STARD9: variants seen among roughly 807,000 people sequenced by gnomAD.
The protein encoded by STARD9 is stAR-related lipid transfer protein 9.
A neutral mutation model predicts 399.8 loss-of-function variants in STARD9; 346 were observed. The ratio of observed to expected loss-of-function variants is 0.87; its 90% CI spans 0.79 to 0.95. The LOEUF (loss-of-function observed/expected upper bound fraction) is 0.95, where lower values mean the gene tolerates loss of function less well. Among genes scored for constraint, STARD9 ranks in the 40% least tolerant of loss-of-function variants. The probability of loss-of-function intolerance (pLI) is 0.00; values close to 1 mark genes in which losing one functional copy is unlikely to be tolerated. For synonymous variants in STARD9, 2,203 were observed against 2,143.5 expected, an observed-to-expected ratio of 1.03 and a Z score of -0.77; for missense variants, 5,832 against 5,667.5, an observed-to-expected ratio of 1.03 and a Z score of -0.93.
intron 28 of STARD9, 150 bp from the exon 29 acceptor site, chr15:42,717,581 C>T (rs991620627): frequency 1.8e-5 from 13 of 717,392 alleles, no homozygotes; most frequent in Middle Eastern, 3.2e-4. Context: ...GCTGTGATTA[C>T]GCCACTCCAC....
intron 3 of STARD9, among the ~76,000 whole-genome samples, chr15:42,627,596 G>A (rs1338311070): frequency 6.6e-6 from 1 of 151,782 alleles, no homozygotes; most frequent in Non-Finnish European, 1.5e-5. Context: ...TCCCTCTACC[G>A]CCACTGCCCT....
chr15:42,684,470 G>C lies in STARD9; in HGVS notation c.2892G>C (p.Glu964Asp). The change falls in exon 23 of 33, where the codon GAG (glutamate) becomes GAC (aspartate). Residue 964 changes from glutamate (E) to aspartate (D), a missense_variant. By Grantham distance (45) the Glu-to-Asp change is conservative (BLOSUM62 2). Coordinates refer to ENST00000290607, the MANE Select transcript of STARD9 (RefSeq NM_020759.3). ...KSANKLKPRH[E>D]PKIFTSTTQT... ...CTAACAAACTAAAGCCAAGGCATGA[G>C]CCAAAGATCTTCACCTCTACTACCC... 6.5e-7 allele frequency: 1 copy of C among 1,537,220 alleles called. No homozygotes were observed. The highest frequency in any genetic ancestry group is 8.7e-7 in the Non-Finnish European group (1 of 1,146,920).
At chr15:42,643,416 G>A (rs2059579791) in intron 7 of STARD9, among the ~76,000 whole-genome samples, 1 of 152,010 alleles carries the variant, frequency 6.6e-6, no homozygotes, top group Admixed American at 6.6e-5. Context: ...GGCTGGTCTC[G>A]AACTCCTGAC....
chr15:42,636,170 C>T (rs929383023), intron 4 of STARD9, among the ~76,000 whole-genome samples: 1 of 152,080 alleles, frequency 6.6e-6, no homozygotes, highest in Non-Finnish European at 1.5e-5. Context: ...GGGGGCACAT[C>T]CTGTGGTCCC....
rs372107696 is a variant in STARD9 at position 42,675,566 on chromosome 15, G to C, written c.1688-98G>C. 7 of 884,536 alleles carry C rather than the reference G, an allele frequency of 7.9e-6. No individual in the cohort carries two copies. The East Asian group carries it at 1.3e-4, about 17-fold the overall frequency. 54.8% of individuals were successfully genotyped at this position (884,536 alleles called of 1,614,324 possible). A position where few individuals can be genotyped will look rare whatever the true frequency, so the allele number is the denominator to read the frequency against. On this transcript the variant is annotated intron_variant, in intron 18 of 32. Transcript: ENST00000290607. ...CAACTCAGCAAAATTATCAGTTATC[G>C]AGGGCATGACTTTGTCTCACAGAGC...
At chr15:42,621,008 C>A (rs1449400515) in intron 3 of STARD9, among the ~76,000 whole-genome samples, 1 of 152,146 alleles carries the variant, frequency 6.6e-6, no homozygotes, top group Non-Finnish European at 1.5e-5. Flanking sequence ...CCCGCCTCAG[C>A]CTCCCAAAGT....
intron 1 of STARD9, among the ~76,000 whole-genome samples, chr15:42,582,785 T>C (rs1392795193): frequency 1.3e-5 from 2 of 152,192 alleles, no homozygotes; most frequent in Admixed American, 1.3e-4. Context: ...CTTGAACTCC[T>C]GGGCTCAAGC....
chr15:42,698,579 AT>A (rs1379663830), intron 26 of STARD9, among the ~76,000 whole-genome samples: 1 of 151,958 alleles, frequency 6.6e-6, no homozygotes, highest in East Asian at 1.9e-4. Context: ...AACTAGAAAT[AT>A]TTTTTTCCCA....
In STARD9 at chr15:42,575,740, C is replaced by A. The variant is rs1209162800; in HGVS notation, c.25C>A (p.Arg9=). MANVQVAV[R]VRPLSKRETK... ...GATGGCGAACGTGCAGGTCGCCGTGCGGGTCCGGCCGCTCAGCAAGAGGTG... is the reference window on the plus strand; with the variant it reads ...GATGGCGAACGTGCAGGTCGCCGTGAGGGTCCGGCCGCTCAGCAAGAGGTG... Residue 9 remains arginine, a synonymous_variant, in exon 1 of 33, where the codon CGG becomes AGG. Coordinates refer to ENST00000290607, the MANE Select transcript of STARD9 (RefSeq NM_020759.3). 3.9e-6 allele frequency: 6 copies of A among 1,536,680 alleles called. No individual in the cohort carries two copies. Among genetic ancestry groups the A allele is most frequent in the Non-Finnish European group, 5.2e-6 (6 of 1,146,804 alleles).
chr15:42,679,158 G>A (rs1311274766), intron 20 of STARD9, among the ~76,000 whole-genome samples: 1 of 152,180 alleles, frequency 6.6e-6, no homozygotes, highest in Non-Finnish European at 1.5e-5. Flanking sequence ...GTGGTCTGTG[G>A]GTCTTAGCTG....
Position 42,692,798 on chromosome 15 carries a change from C to T in STARD9, c.11220C>T (p.Leu3740=), listed in dbSNP as rs1440194534. 2.0e-6 allele frequency: 3 copies of T among 1,537,224 alleles called. No homozygotes were observed. Among genetic ancestry groups the T allele is most frequent in the Non-Finnish European group, 2.6e-6 (3 of 1,146,912 alleles). ...TGGATGAGGGCAGCCAGACTGACCT[C>T]ACCTTACCCACCCTGTGCCTCCAGA... ...TTVDEGSQTD[L]TLPTLCLQTS... is the part of the protein sequence containing the mutation. The change falls in exon 23 of 33, where the codon CTC becomes CTT. Residue 3740 remains leucine (L), a synonymous_variant. Coordinates refer to ENST00000290607, the MANE Select transcript of STARD9 (RefSeq NM_020759.3).
chr15:42,684,440 A>G lies in STARD9; in HGVS notation c.2862A>G (p.Lys954=). Residue 954 remains lysine (K), a synonymous_variant, in exon 23 of 33, where the codon AAA becomes AAG. Transcript: ENST00000290607. ...GCCAGGGCTTAGCATCTCTGAGGAAATCAGCTAACAAACTAAAGCCAAGGC... is the reference window on the plus strand; with the variant it reads ...GCCAGGGCTTAGCATCTCTGAGGAAGTCAGCTAACAAACTAAAGCCAAGGC... ...MVSQGLASLR[K]SANKLKPRHE... 6.5e-7 allele frequency: 1 copy of G among 1,537,240 alleles called. No homozygotes were observed. Among genetic ancestry groups the G allele is most frequent in the Non-Finnish European group, 8.7e-7 (1 of 1,146,916 alleles).
intron 3 of STARD9, among the ~76,000 whole-genome samples, chr15:42,621,856 T>G (rs1049615083): frequency 3.3e-5 from 5 of 152,232 alleles, no homozygotes; most frequent in African/African-American, 1.2e-4. Flanking sequence ...GGGTGCTAGA[T>G]GTGATCATTT....
intron 3 of STARD9, among the ~76,000 whole-genome samples, chr15:42,588,461 T>G (rs2058324728): frequency 6.6e-6 from 1 of 152,150 alleles, no homozygotes. Context: ...CTCCTGAGGT[T>G]TCTTCTGGCT....
chr15:42,655,695 A>G (rs1011952496), intron 9 of STARD9, among the ~76,000 whole-genome samples: 2 of 152,246 alleles, frequency 1.3e-5, no homozygotes, highest in African/African-American at 2.4e-5. Context: ...TTCATGAGCA[A>G]GAATCCAAAA....
intron 9 of STARD9, among the ~76,000 whole-genome samples, chr15:42,659,236 C>T (rs184230336): frequency 8.5e-5 from 13 of 152,186 alleles, no homozygotes; most frequent in Middle Eastern, 3.4e-3. Flanking sequence ...CTCTAAACAC[C>T]GTAAGAAAAC....
intron 3 of STARD9, among the ~76,000 whole-genome samples, chr15:42,602,345 T>C (rs1012288780): frequency 2.0e-5 from 3 of 152,174 alleles, no homozygotes; most frequent in Non-Finnish European, 4.4e-5. Flanking sequence ...GGCTAAGGTA[T>C]GGTATGTTCA....
chr15:42,588,783 T>G (rs1464597258), intron 3 of STARD9, among the ~76,000 whole-genome samples: 5 of 17,678 alleles, frequency 2.8e-4, no homozygotes, highest in Non-Finnish European at 7.4e-4. Flanking sequence ...AGCGTTTTTT[T>G]TTTTTTTTTT....
Position 42,687,780 on chromosome 15 carries a change from C to T in STARD9, c.6202C>T (p.Gln2068Ter), listed in dbSNP as rs761270582. Reference protein sequence around the residue: ...ENGILEIESKQNKQVHASHTP... With the variant: ...ENGILEIESK ...TGGCATCTTAGAAATTGAATCTAAG[C>T]AGAATAAGCAGGTTCATGCTTCCCA... is the stretch of plus-strand genomic sequence containing the variant. Residue 2068 changes from glutamine to a stop codon, truncating the protein, a stop_gained, in exon 23 of 33, where the codon CAG (glutamine) becomes TAG (stop). Transcript: ENST00000290607. LOFTEE classifies it high-confidence loss of function. 9.1e-6 allele frequency: 14 copies of T among 1,537,356 alleles called. No individual in the cohort carries two copies. Among genetic ancestry groups the T allele is most frequent in the South Asian group, 1.2e-5 (1 of 84,050 alleles).
Sources: gnomAD v4.1 joint callset for allele counts (sites outside exome capture counted in the v4.1 genomes callset) on GRCh38, gnomAD v4.1.1 for gene constraint, MANE v1.5 for transcripts, NCBI Gene and HGNC (gene_info 2026-07-23, HGNC 2026-07-21) for gene names.